Variants in TANGO2 observed in about 807,000 individuals in gnomAD.
TANGO2 encodes transport and golgi organization 2 homolog, also known as transport and Golgi organization protein 2 homolog.
In TANGO2, 26 loss-of-function variants were observed where a neutral mutation model predicts 39.1. The observed-to-expected ratio is 0.67, with a 90% confidence interval of 0.49 to 0.92. The LOEUF (loss-of-function observed/expected upper bound fraction) is 0.92, where lower values mean the gene tolerates loss of function less well. TANGO2 is among the 40% of genes least tolerant of loss of function. The pLI, the probability that TANGO2 is intolerant of heterozygous loss-of-function variation, is 0.00. For missense variants in TANGO2, 326 were observed against 360.1 expected (o/e 0.91, Z 0.77); for synonymous variants, 131 against 144.5 (o/e 0.91, Z 0.67).
intron 1 of TANGO2, among the ~76,000 whole-genome samples, chr22:20,028,910 G>C (rs1027991984): frequency 2.6e-5 from 4 of 152,196 alleles, no homozygotes; most frequent in African/African-American, 9.7e-5. Context: ...CTACCTGCCT[G>C]TGGTGGGCAC....
chr22:20,043,295 GA>G, intron 2 of TANGO2, 59 bp from the exon 3 acceptor site: 1 of 1,325,426 alleles, frequency 7.5e-7, no homozygotes, highest in Non-Finnish European at 1.1e-6. Flanking sequence ...TGTGAAAAGA[GA>G]AAAAGACTTG....
chr22:20,020,893 G>T (rs1269605416), upstream of TANGO2, among the ~76,000 whole-genome samples: 2 of 152,266 alleles, frequency 1.3e-5, no homozygotes, highest in East Asian at 1.9e-4. Flanking sequence ...GCTGGATCAG[G>T]AAGCGCTCAG....
At chr22:20,060,314 A>C (rs1040191053) in intron 6 of TANGO2, among the ~76,000 whole-genome samples, 6 of 135,696 alleles carry the variant, frequency 4.4e-5, no homozygotes, top group African/African-American at 1.1e-4. Context: ...GCGCCACCGC[A>C]CTCCAGCCTG....
At chr22:20,040,762 C>T (rs1341105096) in intron 2 of TANGO2, among the ~76,000 whole-genome samples, 2 of 152,206 alleles carry the variant, frequency 1.3e-5, no homozygotes, top group African/African-American at 4.8e-5. Context: ...ATCCCTGCTG[C>T]AGAGGTTGGG....
chr22:20,026,830 C>G (rs2040857291), intron 1 of TANGO2, among the ~76,000 whole-genome samples: 1 of 152,188 alleles, frequency 6.6e-6, no homozygotes, highest in Non-Finnish European at 1.5e-5. Flanking sequence ...GCAACAGGTT[C>G]TGGTGCTAGA....
chr22:20,028,464 C>T (rs1288026972), intron 1 of TANGO2, among the ~76,000 whole-genome samples: 1 of 152,200 alleles, frequency 6.6e-6, no homozygotes, highest in Non-Finnish European at 1.5e-5. Context: ...AGAATGTGCT[C>T]CTGGGTGACC....
chr22:20,060,274 G>A (rs995673767), intron 6 of TANGO2, among the ~76,000 whole-genome samples: 11 of 151,258 alleles, frequency 7.3e-5, no homozygotes, highest in East Asian at 1.9e-4. Context: ...GCGTGAACCC[G>A]GGAGGTGGAG....
chr22:20,029,026 C>T (rs1274431751), intron 1 of TANGO2, among the ~76,000 whole-genome samples: 2 of 152,264 alleles, frequency 1.3e-5, no homozygotes, highest in African/African-American at 2.4e-5. Flanking sequence ...GTCACTGCTG[C>T]TGCTGCTCTC....
intron 7 of TANGO2, 147 bp from the exon 8 acceptor site, chr22:20,063,191 G>T (rs955299746): frequency 1.6e-6 from 1 of 617,880 alleles, no homozygotes; most frequent in Admixed American, 3.0e-5. Flanking sequence ...GAAGAGAAGA[G>T]GAAAAAGAAA....
rs543107705 is a variant in TANGO2 at position 20,050,620 on chromosome 22, C to T, written c.146-1845C>T. Among the ~76,000 whole-genome samples, 19 of 150,796 alleles carry T rather than the reference C, an allele frequency of 1.3e-4. No homozygotes were observed. The South Asian group carries it at 2.9e-3, about 23-fold the overall frequency. ...CTCGTGATCCGCCCGCCTTGGCCTC[C>T]CAAAGTGCTGGGATTACAGGCGTGA... On this transcript the variant is annotated intron_variant, in intron 3 of 8. Coordinates refer to ENST00000327374, the MANE Select transcript of TANGO2 (RefSeq NM_152906.7).
rs202222434 is a variant in TANGO2 at position 20,061,595 on chromosome 22, C to T, written c.517C>T (p.Leu173Phe). The change falls in exon 7 of 9, where the codon CTC (leucine) becomes TTC (phenylalanine). Residue 173 changes from leucine (L) to phenylalanine (F), a missense_variant. By Grantham distance (22) the Leu-to-Phe change is conservative (BLOSUM62 0). Transcript: ENST00000327374. ...GAGGAAGCTGTGCTTTGGGAAGCAG[C>T]TCTTCCTGGAGGCTGTGGAACGGAG... ...PWRKLCFGKQ[L>F]FLEAVERSQA... 117 of 1,596,398 alleles carry T rather than the reference C, an allele frequency of 7.3e-5. No homozygotes were observed. In the East Asian group the frequency reaches 1.9e-3, roughly 26 times the overall value.
intron 1 of TANGO2, among the ~76,000 whole-genome samples, chr22:20,030,471 C>T (rs1437692198): frequency 6.6e-6 from 1 of 152,126 alleles, no homozygotes; most frequent in African/African-American, 2.4e-5. Flanking sequence ...CTCAGCCTCC[C>T]AAGTAGCTGG....
intron 8 of TANGO2, 87 bp from the exon 9 acceptor site, chr22:20,064,455 G>A: frequency 6.4e-7 from 1 of 1,555,142 alleles, no homozygotes. Flanking sequence ...AACTCTACCT[G>A]CCTGCATTCT....
At chr22:20,050,296 T>C (rs1483820598) in intron 3 of TANGO2, among the ~76,000 whole-genome samples, 1 of 150,720 alleles carries the variant, frequency 6.6e-6, no homozygotes, top group East Asian at 2.0e-4. Flanking sequence ...CTTGAGACCC[T>C]CAACAGTGCC....
chr22:20,057,950 C>T lies in TANGO2; in HGVS notation c.451+1937C>T, dbSNP rs981281510. 5 of 152,148 alleles carry T rather than the reference C, an allele frequency of 3.3e-5. No individual in the cohort carries two copies. The highest frequency in any genetic ancestry group is 1.2e-4 in the African/African-American group (5 of 41,436). The allele number at this position is 152,148 out of a possible 1,614,324, so 9.4% of individuals were successfully genotyped here. On this transcript the variant is annotated intron_variant, in intron 6 of 8. Coordinates refer to ENST00000327374, the MANE Select transcript of TANGO2 (RefSeq NM_152906.7). This position sits in a 1 kb window ranked among gnomAD's most constrained non-coding sequence, Gnocchi z 4.1. ...TGGCTGGAGATGCTTATTTTCTGCT[C>T]AGTTGTTGTTCTGTAGAACTTATTT... is the stretch of plus-strand genomic sequence containing the variant.
At chr22:20,018,708 G>A (rs759535893), upstream of TANGO2, among the ~76,000 whole-genome samples, 3 of 152,166 alleles carry the variant, frequency 2.0e-5, no homozygotes, top group Non-Finnish European at 2.9e-5. Flanking sequence ...AGAGGATGTC[G>A]GGGCAGCACC....
chr22:20,021,058 T>A (rs1569216954), upstream of TANGO2: 1 of 151,680 alleles, frequency 6.6e-6, no homozygotes, highest in Non-Finnish European at 1.5e-5. Flanking sequence ...CGCGCCGGCT[T>A]CGGGCTGGGC....
chr22:20,058,677 G>C (rs113531217), intron 6 of TANGO2, among the ~76,000 whole-genome samples: 100 of 151,938 alleles, frequency 6.6e-4, no homozygotes, highest in African/African-American at 2.3e-3. Flanking sequence ...TCACCAGCAT[G>C]GCTAAATGAT....
At chr22:20,062,128 A>G (rs1280301537) in intron 7 of TANGO2, among the ~76,000 whole-genome samples, 1 of 152,134 alleles carries the variant, frequency 6.6e-6, no homozygotes, top group Non-Finnish European at 1.5e-5. Flanking sequence ...GTCCCCAGCG[A>G]CCCTGGGCTG....
Sources: allele counts gnomAD v4.1 joint callset (sites outside exome capture counted in the v4.1 genomes callset), GRCh38; gene constraint gnomAD v4.1.1; non-coding constraint Gnocchi (gnomAD v3.1); transcripts MANE v1.5; gene names NCBI Gene and HGNC (gene_info 2026-07-23, HGNC 2026-07-21).